The following MEMO1 variants were observed in gnomAD, a reference collection of about 807,000 sequenced individuals.
The protein encoded by MEMO1 is mediator of cell motility 1.
MEMO1 carries 6 observed loss-of-function variants against 45.2 expected under a neutral mutation model. That is an observed-to-expected ratio of 0.13 (90% CI 0.07 to 0.26). The LOEUF is 0.26. Ranked by LOEUF, MEMO1 falls within the 10% of genes least tolerant of loss-of-function variation. The pLI, the probability that MEMO1 is intolerant of heterozygous loss-of-function variation, is 1.00. For synonymous variants in MEMO1, 78 were observed against 124.3 expected (o/e 0.63, Z 2.48); for missense variants, 184 against 370.5 (o/e 0.50, Z 4.13).
intron 8 of MEMO1, among the ~76,000 whole-genome samples, chr2:31,873,953 T>C (rs935749007): frequency 4.6e-5 from 7 of 152,082 alleles, no homozygotes; most frequent in African/African-American, 1.7e-4. Context: ...ACTAAAAAGC[T>C]ATTGGCTTAG....
intron 7 of MEMO1, among the ~76,000 whole-genome samples, chr2:31,890,214 T>A (rs909792982): frequency 2.2e-4 from 34 of 152,138 alleles, no homozygotes; most frequent in Non-Finnish European, 5.9e-5. Context: ...GTTGCACAGG[T>A]TGCCAACCTA....
intron 2 of MEMO1, among the ~76,000 whole-genome samples, chr2:31,971,356 TC>T (rs1186354049): frequency 6.6e-6 from 1 of 152,036 alleles, no homozygotes; most frequent in East Asian, 1.9e-4. Context: ...CAAGTGATCC[TC>T]CCAACTCAGC....
intron 6 of MEMO1, among the ~76,000 whole-genome samples, chr2:31,916,588 G>C (rs1243586179): frequency 6.6e-6 from 1 of 152,122 alleles, no homozygotes; most frequent in Non-Finnish European, 1.5e-5. Context: ...AAACATCTCA[G>C]TGAATAACAA....
intron 6 of MEMO1, among the ~76,000 whole-genome samples, chr2:31,900,327 A>G (rs1678590119): frequency 6.6e-6 from 1 of 152,194 alleles, no homozygotes; most frequent in African/African-American, 2.4e-5. Context: ...AGGCACCTAT[A>G]TACCATGGAA....
rs1005460 is a variant in MEMO1, at chr2:31,940,505, A to G, written c.143+2797T>C. Among the ~76,000 whole-genome samples the G allele has an allele frequency of 2.6e-5, 4 of 152,106 alleles. No individual in the cohort carries two copies. The East Asian group carries it at 7.7e-4, about 29-fold the overall frequency. On this transcript the variant is annotated intron_variant, in intron 3 of 9. Coordinates refer to ENST00000404530, the MANE Select transcript of MEMO1 (RefSeq NM_001301833.4). ...TCCTTCTAGTTTCACAGGACAAAAC[A>G]TAAGAATCATTCAGTCATGATATTT...
chr2:32,005,732 T>G (rs1673983869), intron 2 of MEMO1, among the ~76,000 whole-genome samples: 1 of 152,182 alleles, frequency 6.6e-6, no homozygotes, highest in South Asian at 2.1e-4. Flanking sequence ...TACTTCCCAC[T>G]TGCTAATTAT....
At chr2:31,901,311 T>C (rs977802891) in intron 6 of MEMO1, among the ~76,000 whole-genome samples, 3 of 131,804 alleles carry the variant, frequency 2.3e-5, no homozygotes, top group African/African-American at 5.9e-5. Flanking sequence ...AGGTGGAGGT[T>C]GCAGTGAGCC....
intron 4 of MEMO1, among the ~76,000 whole-genome samples, chr2:31,929,578 C>G (rs1683640200): frequency 6.6e-6 from 1 of 152,204 alleles, no homozygotes; most frequent in Admixed American, 6.5e-5. Context: ...TTTTTCCAAG[C>G]TGCTAGTCAG....
At chr2:31,999,279 C>A (rs1188600224) in intron 2 of MEMO1, among the ~76,000 whole-genome samples, 1 of 152,154 alleles carries the variant, frequency 6.6e-6, no homozygotes, top group East Asian at 1.9e-4. Flanking sequence ...CAACTACTCT[C>A]ATCACAGCAG....
chr2:31,901,374 CAAAAAAAAAAAA>C (rs70964738), intron 6 of MEMO1, among the ~76,000 whole-genome samples: 35 of 22,690 alleles, frequency 1.5e-3, no homozygotes, highest in Middle Eastern at 0.029. Context: ...CTCTGTCTCA[CAAAAAAAAAAAA>C]AAAAAAAAAA....
chr2:31,891,928 G>T, intron 7 of MEMO1, 64 bp downstream of exon 7: 1 of 1,464,168 alleles, frequency 6.8e-7, no homozygotes, highest in South Asian at 1.4e-5. Context: ...AGCTTAGAAT[G>T]AAAAGATACC....
At chr2:31,999,024 C>T (rs1406887335) in intron 2 of MEMO1, among the ~76,000 whole-genome samples, 1 of 152,204 alleles carries the variant, frequency 6.6e-6, no homozygotes, top group African/African-American at 2.4e-5. Flanking sequence ...ACTGCTAATG[C>T]TCAGGGATAA....
At chr2:31,939,496 ACTT>A (rs1305010300) in intron 3 of MEMO1, among the ~76,000 whole-genome samples, 4 of 152,336 alleles carry the variant, frequency 2.6e-5, no homozygotes, top group Admixed American at 6.5e-5. Flanking sequence ...AAGTCTGGCT[ACTT>A]TTTTATGAAT....
intron 4 of MEMO1, among the ~76,000 whole-genome samples, chr2:31,924,707 A>G (rs1682829539): frequency 6.6e-6 from 1 of 152,190 alleles, no homozygotes; most frequent in African/African-American, 2.4e-5. Flanking sequence ...TAACCAAAGA[A>G]TAAAATGTCA....
chr2:31,901,759 A>G (rs2148048615), intron 6 of MEMO1, among the ~76,000 whole-genome samples: 1 of 151,968 alleles, frequency 6.6e-6, no homozygotes, highest in East Asian at 1.9e-4. Context: ...ATACAAAAAA[A>G]TTAGCTGGGC....
At chr2:31,917,286 T>C (rs1681597453) in intron 6 of MEMO1, among the ~76,000 whole-genome samples, 1 of 152,172 alleles carries the variant, frequency 6.6e-6, no homozygotes, top group Non-Finnish European at 1.5e-5. Flanking sequence ...ATCCAAATGT[T>C]TCACTAAAAG....
chr2:31,956,939 G>T (rs1153120), intron 2 of MEMO1, among the ~76,000 whole-genome samples: 152,211 of 152,214 alleles, frequency 1, 76,104 homozygotes, highest in Middle Eastern at 1. Flanking sequence ...GTCAGGAGAT[G>T]GAGACCATCC....
At chr2:31,879,027 A>T (rs1674969741) in intron 8 of MEMO1, among the ~76,000 whole-genome samples, 1 of 152,210 alleles carries the variant, frequency 6.6e-6, no homozygotes, top group Non-Finnish European at 1.5e-5. Context: ...GTAATCTCAT[A>T]GTTTCCATCT....
In MEMO1 at chr2:31,959,403, T is replaced by G. The variant is rs569733078; in HGVS notation, c.62-16020A>C. Among the ~76,000 whole-genome samples, 6 of 150,602 alleles carry G rather than the reference T, an allele frequency of 4.0e-5. No homozygotes were observed. The South Asian group carries it at 1.0e-3, about 26-fold the overall frequency. On this transcript the variant is annotated intron_variant, in intron 2 of 9. Transcript: ENST00000404530. Reference sequence around the variant, plus strand: ...GGGAAAAGAGGTGCAGCTCAAGAGATAAAGAGAAGATACAGTACAAGGAAA... The same window carrying G: ...GGGAAAAGAGGTGCAGCTCAAGAGAGAAAGAGAAGATACAGTACAAGGAAA...
Sources: allele counts gnomAD v4.1 joint callset (sites outside exome capture counted in the v4.1 genomes callset), GRCh38; gene constraint gnomAD v4.1.1; transcripts MANE v1.5; gene names NCBI Gene and HGNC (gene_info 2026-07-23, HGNC 2026-07-21).